The following PLEKHA5 variants were observed in gnomAD, a reference collection of about 807,000 sequenced individuals.
PLEKHA5 encodes the protein pleckstrin homology domain-containing family A member 5.
A neutral mutation model predicts 181.9 loss-of-function variants in PLEKHA5; 55 were observed. That is an observed-to-expected ratio of 0.30 (90% CI 0.24 to 0.38). PLEKHA5 has a LOEUF of 0.38. Ranked by LOEUF, PLEKHA5 falls within the 10% of genes least tolerant of loss-of-function variation. The pLI is 1.00. For missense variants in PLEKHA5, 1,432 were observed against 1,549.5 expected (o/e 0.92, Z 1.27); for synonymous variants, 535 against 529.4 (o/e 1.01, Z -0.15).
At chr12:19,293,634 T>A (rs967330549) in intron 15 of PLEKHA5, among the ~76,000 whole-genome samples, 22 of 152,026 alleles carry the variant, frequency 1.4e-4, no homozygotes, top group African/African-American at 4.3e-4. Context: ...AATCTGAAGT[T>A]ACCCCACATC....
chr12:19,373,881 C>G (rs1052407123), intron 31 of PLEKHA5, among the ~76,000 whole-genome samples: 5 of 152,120 alleles, frequency 3.3e-5, no homozygotes, highest in African/African-American at 1.2e-4. Context: ...AAAGGATATT[C>G]AGAGTTAAAA....
intron 3 of PLEKHA5, among the ~76,000 whole-genome samples, chr12:19,238,827 G>T (rs1158175095): frequency 6.7e-6 from 1 of 148,734 alleles, no homozygotes; most frequent in East Asian, 2.0e-4. Context: ...AAAAGGAAGA[G>T]GGCAATGAGC....
At chr12:19,210,296 T>A (rs1157151367) in intron 3 of PLEKHA5, among the ~76,000 whole-genome samples, 6 of 152,224 alleles carry the variant, frequency 3.9e-5, no homozygotes, top group African/African-American at 1.4e-4. Context: ...ATTCAGAGAT[T>A]TTTATTTCTG....
intron 21 of PLEKHA5, among the ~76,000 whole-genome samples, chr12:19,341,149 C>T (rs921117738): frequency 6.6e-6 from 1 of 152,010 alleles, no homozygotes; most frequent in East Asian, 1.9e-4. Context: ...TGGTGTCACA[C>T]ACCTGTAATT....
intron 25 of PLEKHA5, 122 bp downstream of exon 25, chr12:19,348,641 C>A: frequency 5.0e-6 from 3 of 604,704 alleles, no homozygotes; most frequent in Non-Finnish European, 7.9e-6. Context: ...TTATCTGAAA[C>A]CTTTGGACTC....
At chr12:19,342,384 C>T (rs932762782) in intron 21 of PLEKHA5, among the ~76,000 whole-genome samples, 19 of 151,992 alleles carry the variant, frequency 1.3e-4, no homozygotes, top group African/African-American at 2.7e-4. Context: ...TGGCCGGGCG[C>T]GGTGGCTCAC....
chr12:19,361,327 C>T (rs7962889), intron 28 of PLEKHA5, among the ~76,000 whole-genome samples: 11,655 of 151,996 alleles, frequency 0.077, 518 homozygotes, highest in African/African-American at 0.11. Flanking sequence ...GGACTACAGG[C>T]GCCCGCCACC....
chr12:19,346,208 G>T lies in PLEKHA5; in HGVS notation c.2709+320G>T, dbSNP rs553721972. 6.6e-5 allele frequency among the ~76,000 whole-genome samples: 10 copies of T among 152,172 alleles called. 1 individual carries two copies. The East Asian group carries it at 1.4e-3, about 21-fold the overall frequency. ...ACTATGTAAAATTTATAGGATGATC[G>T]ATAGATAAGTTGGTTGTATGTCATG... On this transcript the variant is annotated intron_variant, in intron 23 of 31. Transcript: ENST00000429027.
chr12:19,285,437 T>C (rs1592323888), intron 12 of PLEKHA5, among the ~76,000 whole-genome samples: 1 of 152,236 alleles, frequency 6.6e-6, no homozygotes, highest in East Asian at 1.9e-4. Context: ...CAAATTTTTC[T>C]TTCAAACTAT....
chr12:19,306,019 G>A (rs930006135), intron 15 of PLEKHA5, among the ~76,000 whole-genome samples: 2 of 151,984 alleles, frequency 1.3e-5, no homozygotes, highest in Non-Finnish European at 2.9e-5. Flanking sequence ...GGCAGAGGTT[G>A]CAGTGAGCTG....
chr12:19,321,360 C>CTTTTCTT (rs2090726511), intron 18 of PLEKHA5, among the ~76,000 whole-genome samples: 1 of 24,206 alleles, frequency 4.1e-5, no homozygotes, highest in East Asian at 8.0e-4. Context: ...CTTTTCTTTT[C>CTTTTCTT]TTTTTTTTTT....
At chr12:19,145,525 G>A (rs1000198895) in intron 3 of PLEKHA5, among the ~76,000 whole-genome samples, 1 of 152,078 alleles carries the variant, frequency 6.6e-6, no homozygotes, top group African/African-American at 2.4e-5. Flanking sequence ...GGATTGTCCT[G>A]TAGGTACTAT....
chr12:19,156,847 C>T (rs1317547776), intron 3 of PLEKHA5, among the ~76,000 whole-genome samples: 4 of 150,026 alleles, frequency 2.7e-5, no homozygotes, highest in Non-Finnish European at 5.9e-5. Context: ...GAGTTAGAGA[C>T]CAGCCTGGCC....
intron 15 of PLEKHA5, among the ~76,000 whole-genome samples, chr12:19,292,135 A>G (rs1237758450): frequency 6.6e-6 from 1 of 152,118 alleles, no homozygotes; most frequent in African/African-American, 2.4e-5. Flanking sequence ...GCTGGATGCA[A>G]TGGCTCATGC....
intron 3 of PLEKHA5, among the ~76,000 whole-genome samples, chr12:19,220,782 A>G (rs905603854): frequency 6.6e-6 from 1 of 152,328 alleles, no homozygotes; most frequent in East Asian, 1.9e-4. Flanking sequence ...AGAAAGCGTA[A>G]TTCCTTCATT....
chr12:19,245,410 G>T (rs2063475684), intron 3 of PLEKHA5, among the ~76,000 whole-genome samples: 1 of 152,054 alleles, frequency 6.6e-6, no homozygotes, highest in African/African-American at 2.4e-5. Context: ...CACTTATTTT[G>T]CCGTTGGTTG....
intron 16 of PLEKHA5, among the ~76,000 whole-genome samples, chr12:19,316,336 A>G (rs1302719022): frequency 1.3e-5 from 2 of 151,974 alleles, no homozygotes; most frequent in Non-Finnish European, 1.5e-5. Flanking sequence ...ATGGTTCAGG[A>G]TGCGGAAGTC....
chr12:19,267,422 C>T (rs547307723), intron 8 of PLEKHA5, among the ~76,000 whole-genome samples: 4 of 152,106 alleles, frequency 2.6e-5, no homozygotes, highest in African/African-American at 9.6e-5. Context: ...CTTTGGGAGG[C>T]TGAGGCAGGT....
intron 16 of PLEKHA5, among the ~76,000 whole-genome samples, chr12:19,318,476 T>C (rs1406338693): frequency 6.6e-6 from 1 of 152,184 alleles, no homozygotes; most frequent in Non-Finnish European, 1.5e-5. Flanking sequence ...TACTATAAAT[T>C]AGTAAGTTTT....
Sources: allele counts gnomAD v4.1 joint callset (sites outside exome capture counted in the v4.1 genomes callset), GRCh38; gene constraint gnomAD v4.1.1; transcripts MANE v1.5; gene names NCBI Gene and HGNC (gene_info 2026-07-23, HGNC 2026-07-21).